Variants in PLB1 observed in about 807,000 individuals in gnomAD.
The protein encoded by PLB1 is phospholipase B1.
Under a neutral mutation model 227.4 loss-of-function variants are expected in PLB1, and 242 were observed. The ratio of observed to expected loss-of-function variants is 1.06; its 90% CI spans 0.96 to 1.18. The LOEUF (loss-of-function observed/expected upper bound fraction) is 1.18. Ranked by LOEUF, PLB1 falls within the 50% of genes most tolerant of loss-of-function variation. The pLI is 0.00. For synonymous variants in PLB1, 757 were observed against 682.2 expected (o/e 1.11, Z -1.71); for missense variants, 1,858 against 1,816.3 (o/e 1.02, Z -0.42).
chr2:28,529,374 C>G lies in PLB1; in HGVS notation c.383C>G (p.Thr128Ser). 1 of 1,610,350 alleles carries G rather than the reference C, an allele frequency of 6.2e-7. No individual in the cohort carries two copies. The highest frequency in any genetic ancestry group is 8.5e-7 in the Non-Finnish European group (1 of 1,176,540). The change falls in exon 7 of 58, where the codon ACT becomes AGT. Residue 128 changes from threonine to serine, a missense_variant. By Grantham distance (58) the Thr-to-Ser change is moderately conservative (BLOSUM62 1). Coordinates refer to ENST00000327757, the MANE Select transcript of PLB1 (RefSeq NM_153021.5). ...TCTGTTCCAATGCCTGTGTGCCACA[C>G]TGGAAAGAGAGTCATACCCCACGAT... is the stretch of plus-strand genomic sequence containing the variant. ...SPSVPMPVCH[T>S]GKRVIPHDGA...
chr2:28,538,073 C>A (rs1192893364), intron 9 of PLB1, among the ~76,000 whole-genome samples: 1 of 152,176 alleles, frequency 6.6e-6, no homozygotes, highest in African/African-American at 2.4e-5. Context: ...CCTGATGGAA[C>A]TTTTCACCTG....
chr2:28,576,515 A>G (rs1678968939), intron 21 of PLB1, among the ~76,000 whole-genome samples: 1 of 152,178 alleles, frequency 6.6e-6, no homozygotes, highest in Admixed American at 6.5e-5. Context: ...GGATTACTTG[A>G]GGTCAGGAGT....
At chr2:28,518,725 G>A (rs1320498556) in intron 3 of PLB1, among the ~76,000 whole-genome samples, 193 bp downstream of exon 3, 2 of 152,192 alleles carry the variant, frequency 1.3e-5, no homozygotes, top group Non-Finnish European at 2.9e-5. Context: ...CTTGGATGAG[G>A]GTAATCTCCA....
chr2:28,502,773 G>A (rs370056018), intron 1 of PLB1, among the ~76,000 whole-genome samples: 7 of 151,974 alleles, frequency 4.6e-5, no homozygotes, highest in African/African-American at 1.7e-4. Flanking sequence ...CTATTTTTCT[G>A]TTTTCTGGAA....
intron 23 of PLB1, among the ~76,000 whole-genome samples, chr2:28,580,927 C>T (rs1347233479): frequency 1.3e-5 from 2 of 152,068 alleles, no homozygotes; most frequent in African/African-American, 4.8e-5. Context: ...GCCCCCAGGC[C>T]CCTCACAACC....
chr2:28,508,688 C>G (rs1039997499), intron 1 of PLB1, among the ~76,000 whole-genome samples: 1 of 152,230 alleles, frequency 6.6e-6, no homozygotes. Context: ...CCTCCCCTTC[C>G]AAGCTCACCA....
At chr2:28,586,785 T>C (rs1680971040) in intron 26 of PLB1, among the ~76,000 whole-genome samples, 1 of 152,214 alleles carries the variant, frequency 6.6e-6, no homozygotes, top group South Asian at 2.1e-4. Flanking sequence ...TCTCACTTTG[T>C]CATCCAGGCT....
At chr2:28,502,594 G>A (rs1394182486) in intron 1 of PLB1, among the ~76,000 whole-genome samples, 1 of 152,154 alleles carries the variant, frequency 6.6e-6, no homozygotes, top group African/African-American at 2.4e-5. Context: ...TGATCATGGT[G>A]TATCTCTTTC....
intron 25 of PLB1, among the ~76,000 whole-genome samples, chr2:28,583,111 A>C (rs556564092): frequency 6.6e-6 from 1 of 152,128 alleles, no homozygotes; most frequent in South Asian, 2.1e-4. Flanking sequence ...AGCCAGACAG[A>C]GCTGGCTTCC....
At chr2:28,558,226 A>G (rs1675463936) in intron 17 of PLB1, among the ~76,000 whole-genome samples, 1 of 151,948 alleles carries the variant, frequency 6.6e-6, no homozygotes, top group Non-Finnish European at 1.5e-5. Context: ...CAGGAATGGT[A>G]GGTTTCAGCT....
intron 4 of PLB1, among the ~76,000 whole-genome samples, chr2:28,524,059 A>G (rs1669898679): frequency 1.3e-5 from 2 of 152,358 alleles, no homozygotes; most frequent in Admixed American, 1.3e-4. Flanking sequence ...TTTCCCAGTC[A>G]GCCTGTCCTA....
At chr2:28,635,842 C>T (rs1383982129) in intron 56 of PLB1, among the ~76,000 whole-genome samples, 1 of 152,204 alleles carries the variant, frequency 6.6e-6, no homozygotes, top group East Asian at 1.9e-4. Flanking sequence ...CTGCAGAAAT[C>T]CTGCTCTCAG....
chr2:28,603,985 C>T lies in PLB1; in HGVS notation c.2794C>T (p.Leu932=), dbSNP rs376359818. 34 of 1,614,120 alleles carry T rather than the reference C, an allele frequency of 2.1e-5. No individual in the cohort carries two copies. Among genetic ancestry groups the T allele is most frequent in the African/African-American group, 2.7e-5 (2 of 74,956 alleles). Residue 932 remains leucine (L), a synonymous_variant, in exon 40 of 58, where the codon CTG becomes TTG. Transcript: ENST00000327757. ...QQASVLCNCV[L]TLRENSQELA... The stretch of plus-strand genomic sequence containing the variant: ...GTGCAGCGTTTTGTGTAACTGCGTT[C>T]TGACCCTGCGGGAGAACTCCCAAGA...
chr2:28,515,037 A>G (rs1417855981), intron 1 of PLB1, among the ~76,000 whole-genome samples: 1 of 152,114 alleles, frequency 6.6e-6, no homozygotes, highest in Non-Finnish European at 1.5e-5. Context: ...TAAAGTGGGG[A>G]TGATGATATT....
At chr2:28,535,847 G>A (rs1671611333) in intron 9 of PLB1, among the ~76,000 whole-genome samples, 1 of 152,136 alleles carries the variant, frequency 6.6e-6, no homozygotes, top group Admixed American at 6.5e-5. Context: ...CTAAACCCAG[G>A]AAGTGGAGGC....
At chr2:28,596,388 A>AG (rs1682917069) in intron 33 of PLB1, among the ~76,000 whole-genome samples, 1 of 152,226 alleles carries the variant, frequency 6.6e-6, no homozygotes, top group African/African-American at 2.4e-5. Context: ...TTAAAATGGA[A>AG]GTCAGGGAGA....
intron 16 of PLB1, among the ~76,000 whole-genome samples, 183 bp downstream of exon 16, chr2:28,550,267 G>C (rs1311770587): frequency 6.6e-6 from 1 of 151,796 alleles, no homozygotes; most frequent in Non-Finnish European, 1.5e-5. Flanking sequence ...CCACCTCCTG[G>C]GTTCAAGCAG....
intron 1 of PLB1, among the ~76,000 whole-genome samples, chr2:28,514,272 G>T (rs1668588995): frequency 1.3e-5 from 2 of 151,964 alleles, no homozygotes; most frequent in Admixed American, 1.3e-4. Context: ...TTTATTTCTG[G>T]GCTCTGTATT....
At chr2:28,637,964 C>T (rs1358018284) in intron 56 of PLB1, among the ~76,000 whole-genome samples, 4 of 152,090 alleles carry the variant, frequency 2.6e-5, no homozygotes, top group South Asian at 4.2e-4. Context: ...TTCCCTGTGG[C>T]CAGCTCCAAG....
Sources: allele counts gnomAD v4.1 joint callset (sites outside exome capture counted in the v4.1 genomes callset), GRCh38; gene constraint gnomAD v4.1.1; transcripts MANE v1.5; gene names NCBI Gene and HGNC (gene_info 2026-07-23, HGNC 2026-07-21).